The following TCF4 variants were observed in gnomAD, a reference collection of about 807,000 sequenced individuals.
The protein encoded by TCF4 is SL3-3 enhancer factor 2.
A neutral mutation model predicts 82.1 loss-of-function variants in TCF4; 3 were observed. The ratio of observed to expected loss-of-function variants is 0.04; its 90% CI spans 0.02 to 0.09. The LOEUF is 0.09. Among genes scored for constraint, TCF4 ranks in the 10% least tolerant of loss-of-function variants. The pLI is 1.00. For missense variants in TCF4, 518 were observed against 852.7 expected, an observed-to-expected ratio of 0.61 and a Z score of 4.89; for synonymous variants, 276 against 309.6, an observed-to-expected ratio of 0.89 and a Z score of 1.14.
At chr18:55,363,764 C>A (rs1452469247) in intron 6 of TCF4, among the ~76,000 whole-genome samples, 1 of 152,054 alleles carries the variant, frequency 6.6e-6, no homozygotes, top group Non-Finnish European at 1.5e-5. Context: ...CAAGATCTTG[C>A]CACTGCACTC....
At position 55,224,500 on chromosome 18, in the gene TCF4, T is replaced by C. The variant is rs796661485; in HGVS notation, c.*3535A>G. 6.5e-6 allele frequency: 1 copy of C among 152,724 alleles called. No homozygotes were observed. The highest frequency in any genetic ancestry group is 2.4e-5 in the African/African-American group (1 of 41,580). 9.5% of individuals were successfully genotyped at this position (152,724 alleles called of 1,614,324 possible). ...GCTTGTTTATGCTGAAATTGATTCA[T>C]TCCTGACTCAAGTTCACTTTTGGAC... On this transcript the variant is annotated 3_prime_UTR_variant, in exon 20 of 20. Coordinates refer to ENST00000354452, the MANE Select transcript of TCF4 (RefSeq NM_001083962.2).
At chr18:55,323,884 C>T (rs902291454) in intron 8 of TCF4, among the ~76,000 whole-genome samples, 1 of 152,202 alleles carries the variant, frequency 6.6e-6, no homozygotes, top group African/African-American at 2.4e-5. Flanking sequence ...GATCTCTAAA[C>T]TCTTTTGATA....
chr18:55,447,584 G>A (rs2095548856), intron 5 of TCF4, among the ~76,000 whole-genome samples: 1 of 152,094 alleles, frequency 6.6e-6, no homozygotes, highest in Non-Finnish European at 1.5e-5. Context: ...GAGTATTGAA[G>A]TTTATCATTT....
At chr18:55,236,512 G>GCC (rs1195973799) in intron 15 of TCF4, among the ~76,000 whole-genome samples, 2 of 150,216 alleles carry the variant, frequency 1.3e-5, no homozygotes, top group Non-Finnish European at 2.9e-5. Context: ...CCTTTCCTCT[G>GCC]TGACTGAAGT....
intron 3 of TCF4, among the ~76,000 whole-genome samples, chr18:55,483,121 C>T (rs775555235): frequency 6.6e-5 from 10 of 152,196 alleles, no homozygotes; most frequent in Non-Finnish European, 7.3e-5. Flanking sequence ...AAGGCACCCT[C>T]GGCGACTCTT....
At chr18:55,319,152 A>G (rs1039773463) in intron 8 of TCF4, among the ~76,000 whole-genome samples, 4 of 152,220 alleles carry the variant, frequency 2.6e-5, no homozygotes, top group Non-Finnish European at 5.9e-5. Flanking sequence ...TTAGACATGC[A>G]CATACACACA....
chr18:55,508,464 T>A (rs569767266), intron 3 of TCF4, among the ~76,000 whole-genome samples: 1 of 152,212 alleles, frequency 6.6e-6, no homozygotes, highest in South Asian at 2.1e-4. Context: ...CTCTCTAAAT[T>A]TGATCATGCT....
intron 6 of TCF4, among the ~76,000 whole-genome samples, chr18:55,398,128 G>T (rs1323537411): frequency 6.6e-6 from 1 of 152,124 alleles, no homozygotes; most frequent in Non-Finnish European, 1.5e-5. Flanking sequence ...CCACTACAGG[G>T]TCAATAAGTA....
intron 3 of TCF4, among the ~76,000 whole-genome samples, chr18:55,499,135 G>C (rs1603615688): frequency 6.6e-6 from 1 of 152,198 alleles, no homozygotes. Context: ...TGCTAAAGAA[G>C]AAACTTGTTT....
intron 5 of TCF4, 24 bp from the exon 6 acceptor site, chr18:55,403,542 G>C (rs202181741): frequency 3.7e-6 from 6 of 1,613,548 alleles, no homozygotes; most frequent in Non-Finnish European, 5.1e-6. Context: ...CGACAAAAAA[G>C]TGTAAATTGT....
intron 5 of TCF4, among the ~76,000 whole-genome samples, chr18:55,453,192 C>A (rs2095660608): frequency 6.6e-6 from 1 of 151,626 alleles, no homozygotes; most frequent in Non-Finnish European, 1.5e-5. Flanking sequence ...TCAACTCACC[C>A]TTCCCCTTCT....
chr18:55,455,595 C>T (rs1418823549), intron 5 of TCF4, among the ~76,000 whole-genome samples: 3 of 151,378 alleles, frequency 2.0e-5, no homozygotes, highest in East Asian at 1.9e-4. Context: ...AAGGGGCCTG[C>T]TTGTATCACT....
intron 5 of TCF4, among the ~76,000 whole-genome samples, chr18:55,449,692 T>C (rs1282227804): frequency 6.6e-6 from 1 of 152,236 alleles, no homozygotes; most frequent in African/African-American, 2.4e-5. Flanking sequence ...CCAATGCTGA[T>C]AATACAAAGC....
chr18:55,545,532 T>C (rs922661848), intron 3 of TCF4, among the ~76,000 whole-genome samples: 1 of 152,132 alleles, frequency 6.6e-6, no homozygotes, highest in African/African-American at 2.4e-5. Context: ...CACTGCAACC[T>C]CTGCCTCCCG....
chr18:55,285,239 G>T (rs1315450193), intron 8 of TCF4, among the ~76,000 whole-genome samples: 1 of 152,230 alleles, frequency 6.6e-6, no homozygotes, highest in Admixed American at 6.5e-5. Context: ...TCTGGAGTCT[G>T]ACCAATTAGG....
At chr18:55,389,945 G>A (rs1404219871) in intron 6 of TCF4, among the ~76,000 whole-genome samples, 2 of 152,104 alleles carry the variant, frequency 1.3e-5, no homozygotes, top group Non-Finnish European at 2.9e-5. Context: ...AGCAGTCTCA[G>A]ATGGTGGCTG....
exon 1 of TCF4, chr18:55,635,919 T>G (rs77891683): frequency 3.8e-6 from 6 of 1,575,240 alleles, no homozygotes; most frequent in South Asian, 2.3e-5. Context: ...TTTGGCCGCA[T>G]AAGTGCCAAT....
At chr18:55,263,354 G>T (rs1385338552) in intron 11 of TCF4, among the ~76,000 whole-genome samples, 2 of 152,040 alleles carry the variant, frequency 1.3e-5, no homozygotes, top group African/African-American at 2.4e-5. Flanking sequence ...ACTGGGAGCA[G>T]CTCAGATATC....
At chr18:55,230,243 T>C (rs1301844556) in intron 17 of TCF4, 2 of 149,680 alleles carry the variant, frequency 1.3e-5, no homozygotes, top group African/African-American at 4.9e-5. Context: ...GGGCCCAGAA[T>C]AGTCTGAAAA....
Sources: gnomAD v4.1 joint callset for allele counts (sites outside exome capture counted in the v4.1 genomes callset) on GRCh38, gnomAD v4.1.1 for gene constraint, MANE v1.5 for transcripts, NCBI Gene and HGNC (gene_info 2026-07-23, HGNC 2026-07-21) for gene names.